Variants in DOCK4 observed in about 807,000 individuals in gnomAD.
The protein encoded by DOCK4 is dedicator of cytokinesis protein 4.
DOCK4 carries 97 observed loss-of-function variants against 268.1 expected under a neutral mutation model. The ratio of observed to expected loss-of-function variants is 0.36; its 90% CI spans 0.31 to 0.43. The LOEUF is 0.43. Among genes scored for constraint, DOCK4 ranks in the 20% least tolerant of loss-of-function variants. The pLI, the probability that DOCK4 is intolerant of heterozygous loss-of-function variation, is 1.00. For missense variants in DOCK4, 2,145 were observed against 2,455.7 expected (o/e 0.87, Z 2.67); for synonymous variants, 954 against 887.2 (o/e 1.08, Z -1.34).
At chr7:112,037,267 A>C (rs1563019159) in intron 1 of DOCK4, among the ~76,000 whole-genome samples, 1 of 152,238 alleles carries the variant, frequency 6.6e-6, no homozygotes, top group Non-Finnish European at 1.5e-5. Context: ...GATGTTCAGT[A>C]AGTTAGGTGT....
At chr7:112,171,666 A>AG (rs1253889339) in intron 1 of DOCK4, among the ~76,000 whole-genome samples, 1 of 152,190 alleles carries the variant, frequency 6.6e-6, no homozygotes, top group African/African-American at 2.4e-5. Flanking sequence ...CTGTTTGCTA[A>AG]GGTGTTTTCT....
intron 23 of DOCK4, among the ~76,000 whole-genome samples, chr7:111,853,574 G>T (rs1804758233): frequency 6.6e-6 from 1 of 152,188 alleles, no homozygotes; most frequent in Admixed American, 6.5e-5. Context: ...AGAGAGGAAA[G>T]GACTGCAGAT....
chr7:112,092,817 G>T (rs1809755347), intron 1 of DOCK4, among the ~76,000 whole-genome samples: 1 of 152,002 alleles, frequency 6.6e-6, no homozygotes, highest in Non-Finnish European at 1.5e-5. Flanking sequence ...CTAAGAAGAT[G>T]AAATGAAAAG....
chr7:112,071,143 C>T (rs980957183), intron 1 of DOCK4, among the ~76,000 whole-genome samples: 5 of 152,154 alleles, frequency 3.3e-5, no homozygotes, highest in African/African-American at 7.2e-5. Flanking sequence ...TCTACAAAAT[C>T]ATTTTGTTTT....
intron 23 of DOCK4, among the ~76,000 whole-genome samples, chr7:111,847,648 C>G (rs6968654): frequency 0.084 from 12,832 of 152,180 alleles, 1,804 homozygotes; most frequent in African/African-American, 0.29. Flanking sequence ...CTCACAAGAT[C>G]TGATGGTTTT....
At position 112,149,549 on chromosome 7, in the gene DOCK4, CA is replaced by C. The variant is rs771307245; in HGVS notation, c.37+56552del. 4.1e-4 allele frequency among the ~76,000 whole-genome samples: 62 copies of C among 149,978 alleles called. 1 individual carries two copies. Among genetic ancestry groups the C allele is most frequent in the Non-Finnish European group, 7.4e-4 (50 of 67,372 alleles). On this transcript the variant is annotated intron_variant, in intron 1 of 52. Coordinates refer to ENST00000428084, the MANE Select transcript of DOCK4 (RefSeq NM_001363540.2). ...GAGGAGCAGACAACATTATAAAAAA[CA>C]TACAACATATCCTTATTTTACAGAA...
chr7:111,880,677 T>C (rs2134285257), intron 16 of DOCK4, among the ~76,000 whole-genome samples: 2 of 152,284 alleles, frequency 1.3e-5, no homozygotes, highest in Middle Eastern at 3.4e-3. Flanking sequence ...TGAATTCTAC[T>C]ACAGAGCTAT....
chr7:111,923,047 T>C (rs1239115528), intron 12 of DOCK4, among the ~76,000 whole-genome samples: 1 of 152,080 alleles, frequency 6.6e-6, no homozygotes, highest in Non-Finnish European at 1.5e-5. Context: ...ACCAGCTGGG[T>C]GTCAAAAATA....
chr7:111,784,013 C>T (rs1305949271), intron 33 of DOCK4, 61 bp from the exon 34 acceptor site: 1 of 1,569,594 alleles, frequency 6.4e-7, no homozygotes, highest in African/African-American at 1.4e-5. Flanking sequence ...CCATGACAAC[C>T]ACTTTACTTT....
intron 35 of DOCK4, among the ~76,000 whole-genome samples, chr7:111,780,841 A>G (rs1030638364): frequency 6.6e-6 from 1 of 152,240 alleles, no homozygotes; most frequent in Non-Finnish European, 1.5e-5. Context: ...ATTAGCTTCA[A>G]AGTGATAGAT....
intron 12 of DOCK4, 73 bp from the exon 13 acceptor site, chr7:111,915,977 C>T: frequency 1.3e-6 from 2 of 1,493,304 alleles, no homozygotes; most frequent in Middle Eastern, 1.7e-4. Flanking sequence ...TGTGTTGCAA[C>T]AAGCCCAAAT....
rs755684621 is a variant in DOCK4 at position 111,741,571 on chromosome 7, G to A, written c.4888C>T (p.Pro1630Ser). 1 of 1,613,464 alleles carries A rather than the reference G, an allele frequency of 6.2e-7. No individual in the cohort carries two copies. Among genetic ancestry groups the A allele is most frequent in the Non-Finnish European group, 8.5e-7 (1 of 1,179,716 alleles). ...CRNSAPASVSPDGTRVIPRRS... is the reference protein window; with the variant it reads ...CRNSAPASVSSDGTRVIPRRS... ...CTAGGAATTACCCTGGTACCATCTG[G>A]GCTCACAGAAGCAGGTGCTGAGTTT... is the stretch of plus-strand genomic sequence containing the variant. Residue 1630 changes from proline to serine, a missense_variant, in exon 46 of 53, where the codon CCA (proline) becomes TCA (serine). This residue lies in a region of DOCK4 where 547 missense variants were observed against 469.0 expected (regional missense o/e 1.17). Transcript: ENST00000428084.
At position 111,783,998 on chromosome 7, in the gene DOCK4, A is replaced by G. The variant is rs1412100984; in HGVS notation, c.3429-46T>C. Reference sequence around the variant, plus strand: ...GGCATTTTCAACATTTATTTTTATCAGTCACCATGACAACCACTTTACTTT... The same window carrying G: ...GGCATTTTCAACATTTATTTTTATCGGTCACCATGACAACCACTTTACTTT... On this transcript the variant is annotated intron_variant, in intron 33 of 52. Coordinates refer to ENST00000428084, the MANE Select transcript of DOCK4 (RefSeq NM_001363540.2). The G allele has an allele frequency of 5.7e-6, 9 of 1,569,874 alleles. No individual in the cohort carries two copies. The African/African-American group carries it at 8.1e-5, about 14-fold the overall frequency.
At chr7:112,175,159 A>G (rs11762310) in intron 1 of DOCK4, among the ~76,000 whole-genome samples, 36,590 of 151,820 alleles carry the variant, frequency 0.24, 5,038 homozygotes, top group African/African-American at 0.37. Flanking sequence ...CACCGCGCCC[A>G]GCCCCGTCCC....
At chr7:112,098,849 A>G (rs925575640) in intron 1 of DOCK4, among the ~76,000 whole-genome samples, 3 of 151,912 alleles carry the variant, frequency 2.0e-5, no homozygotes, top group Non-Finnish European at 4.4e-5. Flanking sequence ...TCTCATGAGC[A>G]TAATTTAAAT....
Position 111,769,590 on chromosome 7 carries a change from G to C in DOCK4, c.3767C>G (p.Thr1256Arg). 1 of 1,613,806 alleles carries C rather than the reference G, an allele frequency of 6.2e-7. No homozygotes were observed. Among genetic ancestry groups the C allele is most frequent in the Non-Finnish European group, 8.5e-7 (1 of 1,179,824 alleles). The change falls in exon 37 of 53, where the codon ACA (threonine) becomes AGA (arginine). Residue 1256 changes from threonine to arginine, a missense_variant. Thr to Arg is a moderately conservative substitution (Grantham distance 71). Transcript: ENST00000428084. ...CAGGTGCTCTTTGCGCTGCCATTCT[G>C]TTTGCATGGGGTAGGTCAGGAACTC... ...LREFLTYPMQTEWQRKEHLHL... is the reference protein window; with the variant it reads ...LREFLTYPMQREWQRKEHLHL...
chr7:111,839,084 C>T (rs908976872), intron 25 of DOCK4, among the ~76,000 whole-genome samples: 1 of 152,162 alleles, frequency 6.6e-6, no homozygotes, highest in Admixed American at 6.5e-5. Context: ...AATTGTGAGA[C>T]TGGGATGTGA....
intron 1 of DOCK4, among the ~76,000 whole-genome samples, chr7:112,148,559 G>A (rs566206063): frequency 7.2e-5 from 11 of 152,006 alleles, no homozygotes; most frequent in Admixed American, 1.3e-4. Context: ...GGGGCCAGTA[G>A]CATGTTTCAC....
At chr7:111,923,030 G>A (rs1320919359) in intron 12 of DOCK4, among the ~76,000 whole-genome samples, 1 of 151,914 alleles carries the variant, frequency 6.6e-6, no homozygotes, top group African/African-American at 2.4e-5. Flanking sequence ...CTGCATCTGT[G>A]GATTCAACCA....
Sources: allele counts gnomAD v4.1 joint callset (sites outside exome capture counted in the v4.1 genomes callset), GRCh38; gene constraint gnomAD v4.1.1; regional missense constraint gnomAD v4.1.1; transcripts MANE v1.5; gene names NCBI Gene and HGNC (gene_info 2026-07-23, HGNC 2026-07-21).